MCM4: variants seen among roughly 807,000 people sequenced by gnomAD.
MCM4 encodes the protein DNA replication licensing factor MCM4.
MCM4 carries 60 observed loss-of-function variants against 88.7 expected under a neutral mutation model. The observed-to-expected ratio is 0.68, with a 90% CI of 0.55 to 0.84. The LOEUF (loss-of-function observed/expected upper bound fraction) is 0.84. Among genes scored for constraint, MCM4 ranks in the 40% least tolerant of loss-of-function variants. MCM4 has a pLI of 0.00. For synonymous variants in MCM4, 465 were observed against 410.5 expected (o/e 1.13, Z -1.61); for missense variants, 1,149 against 1,105.5 (o/e 1.04, Z -0.56).
chr8:47,976,837 T>A lies in MCM4; in HGVS notation c.*59T>A. 1 of 1,109,274 alleles carries A rather than the reference T, an allele frequency of 9.0e-7. No individual in the cohort carries two copies. The highest frequency in any genetic ancestry group is 1.4e-6 in the Non-Finnish European group (1 of 724,640). 68.7% of individuals were successfully genotyped at this position (1,109,274 alleles called of 1,614,324 possible). ...CTGCTTGCTGCACGCCACATGGGTG[T>A]GGTCTGCATCTCAGTTGGCCGCCAT... On this transcript the variant is annotated 3_prime_UTR_variant, in exon 17 of 17. Coordinates refer to ENST00000649973, the MANE Select transcript of MCM4 (RefSeq NM_182746.3).
chr8:47,961,980 A>C, intron 3 of MCM4, 73 bp from the exon 4 acceptor site: 2 of 1,382,394 alleles, frequency 1.4e-6, no homozygotes, highest in Non-Finnish European at 1.0e-6. Flanking sequence ...ATTAGATGGT[A>C]TAGATCAACA....
chr8:47,965,560 G>A (rs1051224911), intron 8 of MCM4, among the ~76,000 whole-genome samples: 2 of 152,170 alleles, frequency 1.3e-5, no homozygotes, highest in South Asian at 2.1e-4. Flanking sequence ...GCCAGAACAG[G>A]GTAGCTTGTC....
Position 47,970,818 on chromosome 8 carries a change from A to G in MCM4, c.1742A>G (p.Glu581Gly), listed in dbSNP as rs2090947109. Residue 581 changes from glutamate to glycine, a missense_variant, in exon 12 of 17, where the codon GAA becomes GGA. Physicochemically the swap from Glu to Gly is moderately conservative, Grantham distance 98. Coordinates refer to ENST00000649973, the MANE Select transcript of MCM4 (RefSeq NM_182746.3). ...ATCGATGAGTTCGACAAGATGAATG[A>G]AAGTACAAGATCGGTATTGCATGAA... Reference protein sequence around the residue: ...CCIDEFDKMNESTRSVLHEVM... With the variant: ...CCIDEFDKMNGSTRSVLHEVM... 2.5e-6 allele frequency: 4 copies of G among 1,613,390 alleles called. No individual in the cohort carries two copies. Among genetic ancestry groups the G allele is most frequent in the African/African-American group, 1.3e-5 (1 of 74,926 alleles).
chr8:47,973,127 T>C, intron 14 of MCM4, 63 bp downstream of exon 14: 1 of 1,301,800 alleles, frequency 7.7e-7, no homozygotes, highest in Non-Finnish European at 1.1e-6. Context: ...AACTGACCAA[T>C]CATCTCCTTT....
At chr8:47,975,330 TC>T (rs1589834953) in intron 15 of MCM4, 2 of 83,268 alleles carry the variant, frequency 2.4e-5, no homozygotes, top group East Asian at 7.6e-4. Context: ...CCCTCCCCCC[TC>T]CCCCCACCCC....
Position 47,975,804 on chromosome 8 carries a change from A to C in MCM4, c.2455A>C (p.Lys819Gln), listed in dbSNP as rs369753292. 9 of 1,586,722 alleles carry C rather than the reference A, an allele frequency of 5.7e-6. No homozygotes were observed. Among genetic ancestry groups the C allele is most frequent in the Non-Finnish European group, 1.7e-6 (2 of 1,170,222 alleles). ...ATCTAAGGGCAAAACACCAGCTCTAAAATACCAGCAACTTTTTGAAGATAT... is the reference window on the plus strand; with the variant it reads ...ATCTAAGGGCAAAACACCAGCTCTACAATACCAGCAACTTTTTGAAGATAT... ...ILSKGKTPAL[K>Q]YQQLFEDIRG... The change falls in exon 16 of 17, where the codon AAA becomes CAA. Residue 819 changes from lysine (K) to glutamine (Q), a missense_variant. By Grantham distance (53) the Lys-to-Gln change is moderately conservative. Around this residue, in one of 3 missense-constraint regions of MCM4, gnomAD observed 238 missense variants for 241.6 expected, o/e 0.99. Coordinates refer to ENST00000649973, the MANE Select transcript of MCM4 (RefSeq NM_182746.3).
intron 10 of MCM4, among the ~76,000 whole-genome samples, chr8:47,968,606 T>C (rs1199350692): frequency 6.6e-6 from 1 of 152,218 alleles, no homozygotes; most frequent in Non-Finnish European, 1.5e-5. Flanking sequence ...CGGGCCACTT[T>C]AAACATAATC....
intron 8 of MCM4, among the ~76,000 whole-genome samples, chr8:47,965,611 T>C (rs1478808549): frequency 6.6e-6 from 1 of 152,120 alleles, no homozygotes; most frequent in Non-Finnish European, 1.5e-5. Context: ...AGTGGGACCT[T>C]CAAAGGGAAA....
chr8:47,975,168 T>C lies in MCM4; in HGVS notation c.2365+206T>C. 4 of 503,298 alleles carry C rather than the reference T, an allele frequency of 7.9e-6. No homozygotes were observed. In the South Asian group the frequency reaches 1.2e-4, roughly 15 times the overall value. 31.2% of individuals were successfully genotyped at this position (503,298 alleles called of 1,614,324 possible). A position where few individuals can be genotyped will look rare whatever the true frequency, so the allele number is the denominator to read the frequency against. ...ATTGATTAACACACACAGTTTTGTG[T>C]ATAGTTTTTTTTTGTTTTTTTTTTT... On this transcript the variant is annotated intron_variant, in intron 15 of 16. Transcript: ENST00000649973.
chr8:47,971,517 A>G, intron 13 of MCM4, 49 bp downstream of exon 13: 1 of 1,585,434 alleles, frequency 6.3e-7, no homozygotes, highest in Admixed American at 1.7e-5. Context: ...ATTCAGGGTG[A>G]GATTGAAAAG....
In MCM4 at chr8:47,975,811, A is replaced by G. The variant is rs765097000; in HGVS notation, c.2462A>G (p.Gln821Arg). The change falls in exon 16 of 17, where the codon CAG becomes CGG. Residue 821 changes from glutamine (Q) to arginine (R), a missense_variant. Around this residue, in one of 3 missense-constraint regions of MCM4, gnomAD observed 238 missense variants for 241.6 expected, o/e 0.99. Transcript: ENST00000649973. ...SKGKTPALKY[Q>R]QLFEDIRGQS... Reference sequence around the variant, plus strand: ...GGCAAAACACCAGCTCTAAAATACCAGCAACTTTTTGAAGATATTCGGGGA... The same window carrying G: ...GGCAAAACACCAGCTCTAAAATACCGGCAACTTTTTGAAGATATTCGGGGA... The G allele has an allele frequency of 1.3e-6, 2 of 1,585,546 alleles. No homozygotes were observed. The highest frequency in any genetic ancestry group is 1.7e-6 in the Non-Finnish European group (2 of 1,169,782).
In MCM4 at chr8:47,970,676, T is replaced by C. The variant is rs1415057818; in HGVS notation, c.1600T>C (p.Ser534Pro). The C allele has an allele frequency of 6.2e-7, 1 of 1,614,122 alleles. No homozygotes were observed. Among genetic ancestry groups the C allele is most frequent in the East Asian group, 2.2e-5 (1 of 44,876 alleles). The change falls in exon 12 of 17, where the codon TCT (serine) becomes CCT (proline). Residue 534 changes from serine to proline, a missense_variant. Around this residue, in one of 3 missense-constraint regions of MCM4, gnomAD observed 906 missense variants for 843.0 expected, o/e 1.07. Transcript: ENST00000649973. ...YNLVPRGQYT[S>P]GKGSSAVGLT... ...CCTCGTCCCCAGGGGCCAGTACACG[T>C]CTGGGAAGGGCTCCAGTGCAGTTGG...
At chr8:47,961,467 G>A in intron 2 of MCM4, 49 bp from the exon 3 acceptor site, 2 of 1,612,372 alleles carry the variant, frequency 1.2e-6, no homozygotes, top group South Asian at 1.1e-5. Flanking sequence ...ATCCAGGAAG[G>A]CCGGCCCTGA....
chr8:47,976,661 T>G (rs780682597), intron 16 of MCM4, 25 bp from the exon 17 acceptor site: 2 of 1,557,640 alleles, frequency 1.3e-6, no homozygotes, highest in East Asian at 4.5e-5. Flanking sequence ...GTGTACAATA[T>G]TTATTTTCTT....
At position 47,971,905 on chromosome 8, in the gene MCM4, C is replaced by CA. The variant is rs769502893; in HGVS notation, c.1928+444dup. Among the ~76,000 whole-genome samples the CA allele has an allele frequency of 4.0e-5, 6 of 150,764 alleles. No individual in the cohort carries two copies. In the East Asian group the frequency reaches 7.8e-4, roughly 20 times the overall value. ...TTTTTTTGACAGAAGTTTTTTTTCC[C>CA]AAAAAAACAGTTGAATGTGTTTTCA... On this transcript the variant is annotated intron_variant, in intron 13 of 16. Coordinates refer to ENST00000649973, the MANE Select transcript of MCM4 (RefSeq NM_182746.3).
intron 11 of MCM4, 23 bp from the exon 12 acceptor site, chr8:47,970,488 T>C: frequency 5.1e-6 from 8 of 1,575,790 alleles, no homozygotes; most frequent in Non-Finnish European, 6.9e-6. Context: ...AATGAATGTT[T>C]AGACATGTCT....
At position 47,964,480 on chromosome 8, in the gene MCM4, T is replaced by C. The variant is rs188117941; in HGVS notation, c.694-94T>C. 77 of 913,434 alleles carry C rather than the reference T, an allele frequency of 8.4e-5. No individual in the cohort carries two copies. In the African/African-American group the frequency reaches 1.2e-3, roughly 14 times the overall value. The allele number at this position is 913,434 out of a possible 1,614,324, so 56.6% of individuals were successfully genotyped here. A position where few individuals can be genotyped will look rare whatever the true frequency, so the allele number is the denominator to read the frequency against. ...AGGGTAATACTTTGGGGACATGACA[T>C]GTTGTCTTTTTATACTTTGCTAATC... On this transcript the variant is annotated intron_variant, in intron 7 of 16. Transcript: ENST00000649973.
Position 47,974,894 on chromosome 8 carries a change from G to A in MCM4, c.2297G>A (p.Arg766Gln), listed in dbSNP as rs144284210. 26 of 1,614,070 alleles carry A rather than the reference G, an allele frequency of 1.6e-5. No individual in the cohort carries two copies. Among genetic ancestry groups the A allele is most frequent in the Middle Eastern group, 3.3e-4 (2 of 6,084 alleles). ...IDVEEAKRLHREALKQSATDP... is the reference protein window; with the variant it reads ...IDVEEAKRLHQEALKQSATDP... ...GTGGAAGAGGCCAAACGCCTCCATC[G>A]GGAAGCTCTGAAGCAGTCTGCAACT... The change falls in exon 15 of 17, where the codon CGG becomes CAG. Residue 766 changes from arginine (R) to glutamine (Q), a missense_variant. Around this residue, in one of 3 missense-constraint regions of MCM4, gnomAD observed 238 missense variants for 241.6 expected, o/e 0.99. Coordinates refer to ENST00000649973, the MANE Select transcript of MCM4 (RefSeq NM_182746.3).
intron 2 of MCM4, 61 bp downstream of exon 2, chr8:47,961,275 G>T: frequency 7.0e-7 from 1 of 1,426,414 alleles, no homozygotes; most frequent in Non-Finnish European, 9.1e-7. Context: ...CCCTCTCGCC[G>T]CAGCTGGCAG....
Sources: allele counts gnomAD v4.1 joint callset (sites outside exome capture counted in the v4.1 genomes callset), GRCh38; gene constraint gnomAD v4.1.1; regional missense constraint gnomAD v4.1.1; transcripts MANE v1.5; gene names NCBI Gene and HGNC (gene_info 2026-07-23, HGNC 2026-07-21).